Variants in ZNF891 observed in about 807,000 individuals in gnomAD.
ZNF891 encodes zinc finger protein 891, also known as hCG1646157.
For synonymous variants in ZNF891, 199 were observed against 209.0 expected (o/e 0.95, Z 0.41); for missense variants, 589 against 632.7 (o/e 0.93, Z 0.74).
At position 133,115,775 on chromosome 12, in the gene ZNF891, T is replaced by C. The variant is rs61951776; in HGVS notation, c.*4509A>G. The C allele has an allele frequency of 0.19, 28,761 of 152,070 alleles. 3,483 individuals are homozygous for C. The highest frequency in any genetic ancestry group is 0.26 in the Non-Finnish European group (17,970 of 67,956). 9.4% of individuals were successfully genotyped at this position (152,070 alleles called of 1,614,324 possible). ...GACTGTGCCTGAGTCTACCTCCTGGTGTACAGGATGAGTATTCCTTATTCA... is the reference window on the plus strand; with the variant it reads ...GACTGTGCCTGAGTCTACCTCCTGGCGTACAGGATGAGTATTCCTTATTCA... On this transcript the variant is annotated 3_prime_UTR_variant, in exon 2 of 2. Transcript: ENST00000537226.
At chr12:133,127,329 C>A (rs1353166051) in intron 1 of ZNF891, among the ~76,000 whole-genome samples, 1 of 152,120 alleles carries the variant, frequency 6.6e-6, no homozygotes, top group Non-Finnish European at 1.5e-5. Context: ...CAAGTAATTT[C>A]TTTAAATAAT....
chr12:133,127,526 T>C (rs1313434453), intron 1 of ZNF891, among the ~76,000 whole-genome samples: 1 of 152,240 alleles, frequency 6.6e-6, no homozygotes, highest in Non-Finnish European at 1.5e-5. Context: ...TTGAGATGTG[T>C]ATACTCGGTG....
Position 133,106,472 on chromosome 12 carries a change from T to C in ZNF891, c.*13812A>G. On this transcript the variant is annotated 3_prime_UTR_variant, in exon 2 of 2. Coordinates refer to ENST00000537226, the MANE Select transcript of ZNF891 (RefSeq NM_001277291.2). ...TGATAAAGCCTTCAGCCGGAGCTTT[T>C]CCCTCATTCTACATCAGAGAACTCA... 1 of 1,614,052 alleles carries C rather than the reference T, an allele frequency of 6.2e-7. No homozygotes were observed. Among genetic ancestry groups the C allele is most frequent in the Non-Finnish European group, 8.5e-7 (1 of 1,179,988 alleles).
chr12:133,108,102 AGTT>A lies in ZNF891; in HGVS notation c.*12179_*12181del, dbSNP rs1566330605. The A allele has an allele frequency of 6.6e-6, 1 of 152,138 alleles. No individual in the cohort carries two copies. Among genetic ancestry groups the A allele is most frequent in the Non-Finnish European group, 1.5e-5 (1 of 68,022 alleles). The allele number at this position is 152,138 out of a possible 1,614,324, so 9.4% of individuals were successfully genotyped here. A position where few individuals can be genotyped will look rare whatever the true frequency, so the allele number is the denominator to read the frequency against. On this transcript the variant is annotated 3_prime_UTR_variant, in exon 2 of 2. Transcript: ENST00000537226. ...TAGAAGCTTCTCAAGTTTCCATAAGAGTTGTTTCAGAGAGGCTGATTTATCTTA... is the reference window on the plus strand; with the variant it reads ...TAGAAGCTTCTCAAGTTTCCATAAGAGTTTCAGAGAGGCTGATTTATCTTA...
rs1955561746 is a variant in ZNF891, at chr12:133,105,558, T to C, written c.*14726A>G. 8 of 1,612,448 alleles carry C rather than the reference T, an allele frequency of 5.0e-6. No homozygotes were observed. Among genetic ancestry groups the C allele is most frequent in the Non-Finnish European group, 6.8e-6 (8 of 1,179,540 alleles). On this transcript the variant is annotated 3_prime_UTR_variant, in exon 2 of 2. Coordinates refer to ENST00000537226, the MANE Select transcript of ZNF891 (RefSeq NM_001277291.2). Reference sequence around the variant, plus strand: ...AAAGACTTTTCACCAAAAAATGTCATTTATGATGACTCATCCCAGTATTTG... The same window carrying C: ...AAAGACTTTTCACCAAAAAATGTCACTTATGATGACTCATCCCAGTATTTG...
chr12:133,120,000 A>G lies in ZNF891; in HGVS notation c.*284T>C, dbSNP rs1285244833. On this transcript the variant is annotated 3_prime_UTR_variant, in exon 2 of 2. Transcript: ENST00000537226. ...GAAAACAACTTTTATAAAAACACCA[A>G]CAAAGCAGTAAAATATAGTCCAGAT... 1.6e-5 allele frequency: 4 copies of G among 252,512 alleles called. No homozygotes were observed. The highest frequency in any genetic ancestry group is 3.0e-5 in the Non-Finnish European group (4 of 131,896). The allele number at this position is 252,512 out of a possible 1,614,324, so 15.6% of individuals were successfully genotyped here. A position where few individuals can be genotyped will look rare whatever the true frequency, so the allele number is the denominator to read the frequency against.
At position 133,106,904 on chromosome 12, in the gene ZNF891, G is replaced by C. The variant is rs1380669231; in HGVS notation, c.*13380C>G. 3.3e-6 allele frequency: 1 copy of C among 305,592 alleles called. No homozygotes were observed. Among genetic ancestry groups the C allele is most frequent in the African/African-American group, 2.2e-5 (1 of 45,774 alleles). 18.9% of individuals were successfully genotyped at this position (305,592 alleles called of 1,614,324 possible). A position where few individuals can be genotyped will look rare whatever the true frequency, so the allele number is the denominator to read the frequency against. On this transcript the variant is annotated 3_prime_UTR_variant, in exon 2 of 2. Transcript: ENST00000537226. ...ATTGTTGAGAAGATTCTTCCATCTG[G>C]TAATGTTGAGAAGACTTCATTTGGT...
At position 133,117,844 on chromosome 12, in the gene ZNF891, C is replaced by A. The variant is rs1261672053; in HGVS notation, c.*2440G>T. ...TTATGTACCACTATGTTATTTCCAA[C>A]TACAATCACAAATGATCTTCACTTG... On this transcript the variant is annotated 3_prime_UTR_variant, in exon 2 of 2. Transcript: ENST00000537226. 6.6e-6 allele frequency: 1 copy of A among 152,106 alleles called. No individual in the cohort carries two copies. The highest frequency in any genetic ancestry group is 1.5e-5 in the Non-Finnish European group (1 of 68,032). The allele number at this position is 152,106 out of a possible 1,614,324, so 9.4% of individuals were successfully genotyped here. A position where few individuals can be genotyped will look rare whatever the true frequency, so the allele number is the denominator to read the frequency against.
In ZNF891 at chr12:133,105,654, A is replaced by G. The variant is rs1207742936; in HGVS notation, c.*14630T>C. 1.2e-5 allele frequency: 20 copies of G among 1,614,110 alleles called. No individual in the cohort carries two copies. Among genetic ancestry groups the G allele is most frequent in the Non-Finnish European group, 1.6e-5 (19 of 1,180,058 alleles). Reference sequence around the variant, plus strand: ...AAAGGAGGCTGGAAATGCAAGGATCATACTGAGATGCTGCAAGAAAATCAG... The same window carrying G: ...AAAGGAGGCTGGAAATGCAAGGATCGTACTGAGATGCTGCAAGAAAATCAG... On this transcript the variant is annotated 3_prime_UTR_variant, in exon 2 of 2. Transcript: ENST00000537226.
In ZNF891 at chr12:133,119,076, T is replaced by C. The variant is rs1276371561; in HGVS notation, c.*1208A>G. On this transcript the variant is annotated 3_prime_UTR_variant, in exon 2 of 2. Coordinates refer to ENST00000537226, the MANE Select transcript of ZNF891 (RefSeq NM_001277291.2). ...TCTACAAAATATATATTTTTAAAAT[T>C]AGCCAGGCATGGTGGCATGCATTTG... 6.6e-6 allele frequency: 1 copy of C among 151,736 alleles called. No homozygotes were observed. Among genetic ancestry groups the C allele is most frequent in the Non-Finnish European group, 1.5e-5 (1 of 67,968 alleles). The allele number at this position is 151,736 out of a possible 1,614,324, so 9.4% of individuals were successfully genotyped here. A position where few individuals can be genotyped will look rare whatever the true frequency, so the allele number is the denominator to read the frequency against.
In ZNF891 at chr12:133,120,303, G is replaced by T; in HGVS notation, c.1616C>A (p.Thr539Asn). ...SSLIIHKRIH[T>N]ERETL is the part of the protein sequence containing the mutation. ...TAACACTTACAGGGTTTCTCTCTCAGTATGAATTCTCTTGTGTATAATAAG... is the reference window on the plus strand; with the variant it reads ...TAACACTTACAGGGTTTCTCTCTCATTATGAATTCTCTTGTGTATAATAAG... Residue 539 changes from threonine to asparagine, a missense_variant, in exon 2 of 2, where the codon ACT (threonine) becomes AAT (asparagine). By Grantham distance (65) the Thr-to-Asn change is moderately conservative. Transcript: ENST00000537226. The T allele has an allele frequency of 6.5e-7, 1 of 1,539,722 alleles. No homozygotes were observed. The highest frequency in any genetic ancestry group is 2.4e-5 in the East Asian group (1 of 41,058).
rs1955767388 is a variant in ZNF891, at chr12:133,121,963, T to C, written c.-45A>G. ...GCACAGTAGAGTAGAGAGATCAGGATGTTTCTGTTCTTGTGTCTCCAATCC... is the reference window on the plus strand; with the variant it reads ...GCACAGTAGAGTAGAGAGATCAGGACGTTTCTGTTCTTGTGTCTCCAATCC... On this transcript the variant is annotated 5_prime_UTR_variant, in exon 2 of 2. Transcript: ENST00000537226. The C allele has an allele frequency of 2.7e-6, 4 of 1,465,566 alleles. No homozygotes were observed. Among genetic ancestry groups the C allele is most frequent in the Non-Finnish European group, 3.6e-6 (4 of 1,111,004 alleles). The allele number at this position is 1,465,566 out of a possible 1,614,324, so 90.8% of individuals were successfully genotyped here. A position where few individuals can be genotyped will look rare whatever the true frequency, so the allele number is the denominator to read the frequency against.
chr12:133,121,581 G>A lies in ZNF891; in HGVS notation c.338C>T (p.Pro113Leu). ...MKKRIPQAIC[P>L]DQKIQPKTKE... ...GGTTTTAGGTTGAATCTTCTGGTCT[G>A]GACAGATGGCTTGGGGAATTCTCTT... The change falls in exon 2 of 2, where the codon CCA becomes CTA. Residue 113 changes from proline to leucine, a missense_variant. Coordinates refer to ENST00000537226, the MANE Select transcript of ZNF891 (RefSeq NM_001277291.2). The A allele has an allele frequency of 1.3e-6, 2 of 1,536,552 alleles. No individual in the cohort carries two copies. The highest frequency in any genetic ancestry group is 1.7e-6 in the Non-Finnish European group (2 of 1,147,002).
rs772368685 is a variant in ZNF891 at position 133,106,696 on chromosome 12, AAAG to A, written c.*13585_*13587del. 30 of 1,475,638 alleles carry A rather than the reference AAAG, an allele frequency of 2.0e-5. No individual in the cohort carries two copies. Among genetic ancestry groups the A allele is most frequent in the Middle Eastern group, 1.8e-4 (1 of 5,576 alleles). The allele number at this position is 1,475,638 out of a possible 1,614,324, so 91.4% of individuals were successfully genotyped here. A position where few individuals can be genotyped will look rare whatever the true frequency, so the allele number is the denominator to read the frequency against. ...ACTATGAATGTATGGAATTTTTTAAAAAGAAGTATAATGCCTTACTTCAGAGAA... is the reference window on the plus strand; with the variant it reads ...ACTATGAATGTATGGAATTTTTTAAAAAGTATAATGCCTTACTTCAGAGAA... On this transcript the variant is annotated 3_prime_UTR_variant, in exon 2 of 2. Transcript: ENST00000537226.
intron 1 of ZNF891, among the ~76,000 whole-genome samples, chr12:133,129,601 G>A (rs1955854453): frequency 6.6e-6 from 1 of 152,164 alleles, no homozygotes; most frequent in Non-Finnish European, 1.5e-5. Flanking sequence ...GGGGGGCGGT[G>A]AGGGGTGGTG....
Position 133,121,070 on chromosome 12 carries a change from T to C in ZNF891, c.849A>G (p.Val283=). Residue 283 remains valine (V), a synonymous_variant, in exon 2 of 2, where the codon GTA becomes GTG. Transcript: ENST00000537226. ...GMHFTHNMFP[V]PNNLHMAQNA... ...TCTGTGCCATATGCAAATTGTTAGG[T>C]ACAGGAAACATATTATGTGTGAAGT... is the stretch of plus-strand genomic sequence containing the variant. The C allele has an allele frequency of 3.3e-6, 5 of 1,535,622 alleles. No homozygotes were observed. Among genetic ancestry groups the C allele is most frequent in the Non-Finnish European group, 4.4e-6 (5 of 1,146,852 alleles).
chr12:133,129,482 CA>C, intron 1 of ZNF891, among the ~76,000 whole-genome samples: 1 of 101,450 alleles, frequency 9.9e-6, no homozygotes, highest in East Asian at 2.7e-4. Flanking sequence ...GCCTGGGCAA[CA>C]AAGAGCGAAA....
Position 133,120,603 on chromosome 12 carries a change from T to C in ZNF891, c.1316A>G (p.Lys439Arg), listed in dbSNP as rs1169614559. The change falls in exon 2 of 2, where the codon AAA becomes AGA. Residue 439 changes from lysine (K) to arginine (R), a missense_variant. Coordinates refer to ENST00000537226, the MANE Select transcript of ZNF891 (RefSeq NM_001277291.2). ...AAGGTGAGAGCTCGTGTTGAAGGCT[T>C]TTCCACACTCACTGCATTCATAGAG... ...EKLYECSECG[K>R]AFNTSSHLKV... 1 of 1,560,810 alleles carries C rather than the reference T, an allele frequency of 6.4e-7. No homozygotes were observed. Among genetic ancestry groups the C allele is most frequent in the Non-Finnish European group, 8.7e-7 (1 of 1,153,758 alleles).
chr12:133,120,367 A>C lies in ZNF891; in HGVS notation c.1552T>G (p.Cys518Gly). The C allele has an allele frequency of 6.3e-7, 1 of 1,589,714 alleles. No homozygotes were observed. The highest frequency in any genetic ancestry group is 8.6e-7 in the Non-Finnish European group (1 of 1,169,282). Residue 518 changes from cysteine to glycine, a missense_variant, in exon 2 of 2, where the codon TGT (cysteine) becomes GGT (glycine). Physicochemically the swap from Cys to Gly is radical, Grantham distance 159. Coordinates refer to ENST00000537226, the MANE Select transcript of ZNF891 (RefSeq NM_001277291.2). ...RIHTGEKPYECIQCGKAFSQS... is the reference protein window; with the variant it reads ...RIHTGEKPYEGIQCGKAFSQS... The stretch of plus-strand genomic sequence containing the variant: ...CTGAAGGCTTTTCCACATTGAATAC[A>C]TTCATAGGGTTTCTCTCCAGTGTGA...
Sources: allele counts gnomAD v4.1 joint callset (sites outside exome capture counted in the v4.1 genomes callset), GRCh38; gene constraint gnomAD v4.1.1; transcripts MANE v1.5; gene names NCBI Gene and HGNC (gene_info 2026-07-23, HGNC 2026-07-21).